Variants in CHST11 observed in about 807,000 individuals in gnomAD.
The protein encoded by CHST11 is C4S-1.
CHST11 carries 9 observed loss-of-function variants against 30.4 expected under a neutral mutation model. The observed-to-expected ratio is 0.30, with a 90% CI of 0.18 to 0.52. The LOEUF (loss-of-function observed/expected upper bound fraction) is 0.52, where lower values mean the gene tolerates loss of function less well. CHST11 is among the 20% of genes least tolerant of loss of function. CHST11 has a pLI of 0.97. For missense variants in CHST11, 348 were observed against 460.6 expected, an observed-to-expected ratio of 0.76 and a Z score of 2.24; for synonymous variants, 152 against 187.8, an observed-to-expected ratio of 0.81 and a Z score of 1.56.
intron 1 of CHST11, chr12:104,553,284 A>G (rs981691626): frequency 1.3e-5 from 2 of 152,226 alleles, no homozygotes; most frequent in Admixed American, 6.5e-5. Flanking sequence ...GGGAGAGCCT[A>G]ACTTTTCAGG....
intron 1 of CHST11, among the ~76,000 whole-genome samples, chr12:104,487,881 C>T (rs2037698708): frequency 6.6e-6 from 1 of 151,176 alleles, no homozygotes; most frequent in African/African-American, 2.4e-5. Context: ...CAAGGAGATA[C>T]CACTTCGTAC....
At chr12:104,624,252 G>A (rs930733030) in intron 2 of CHST11, among the ~76,000 whole-genome samples, 1 of 152,174 alleles carries the variant, frequency 6.6e-6, no homozygotes, top group Non-Finnish European at 1.5e-5. Context: ...TAATCGGCAG[G>A]AGAAGAAAAA....
chr12:104,578,283 C>T (rs2038704410), intron 1 of CHST11, among the ~76,000 whole-genome samples: 1 of 152,292 alleles, frequency 6.6e-6, no homozygotes, highest in East Asian at 1.9e-4. Flanking sequence ...TCTTCCCAGT[C>T]GTTGAACCCC....
chr12:104,715,673 T>C (rs1284082132), intron 2 of CHST11, among the ~76,000 whole-genome samples: 1 of 152,188 alleles, frequency 6.6e-6, no homozygotes, highest in African/African-American at 2.4e-5. Flanking sequence ...CAAAGGATGC[T>C]GCTGCCCTAA....
chr12:104,526,037 C>A (rs1001924841), intron 1 of CHST11, among the ~76,000 whole-genome samples: 3 of 152,012 alleles, frequency 2.0e-5, no homozygotes, highest in Admixed American at 6.6e-5. Flanking sequence ...CATGTCTTTT[C>A]GGCAGACGAC....
chr12:104,695,780 T>C (rs750510758), intron 2 of CHST11, among the ~76,000 whole-genome samples: 12 of 152,176 alleles, frequency 7.9e-5, no homozygotes, highest in Non-Finnish European at 1.5e-4. Flanking sequence ...TTCACAGCCC[T>C]CCTTTCTTGT....
At chr12:104,643,586 TA>T (rs2039398283) in intron 2 of CHST11, among the ~76,000 whole-genome samples, 1 of 152,106 alleles carries the variant, frequency 6.6e-6, no homozygotes, top group Non-Finnish European at 1.5e-5. Context: ...CCAGCACATT[TA>T]GGGGATTTCC....
chr12:104,756,125 A>G (rs2040472515), intron 2 of CHST11, among the ~76,000 whole-genome samples: 2 of 152,220 alleles, frequency 1.3e-5, no homozygotes, highest in South Asian at 4.1e-4. Flanking sequence ...AATCACAATT[A>G]ATATTATTCC....
chr12:104,528,200 A>G (rs1253992955), intron 1 of CHST11, among the ~76,000 whole-genome samples: 3 of 152,352 alleles, frequency 2.0e-5, no homozygotes, highest in South Asian at 2.1e-4. Context: ...AGCACGTTCT[A>G]TACACCAAAC....
chr12:104,569,825 T>C (rs968568200), intron 1 of CHST11, among the ~76,000 whole-genome samples: 1 of 152,200 alleles, frequency 6.6e-6, no homozygotes, highest in African/African-American at 2.4e-5. Flanking sequence ...TCCCCAACCC[T>C]GGGCTTTCCC....
intron 1 of CHST11, among the ~76,000 whole-genome samples, chr12:104,485,500 G>A (rs1162866340): frequency 2.0e-5 from 3 of 152,190 alleles, no homozygotes; most frequent in Admixed American, 6.5e-5. Flanking sequence ...TGGGAACCTC[G>A]CTGTTTCTGG....
At chr12:104,480,392 A>G (rs2037608642) in intron 1 of CHST11, among the ~76,000 whole-genome samples, 1 of 152,114 alleles carries the variant, frequency 6.6e-6, no homozygotes, top group Non-Finnish European at 1.5e-5. Flanking sequence ...CCTGGCCAAG[A>G]TGGTGAAACC....
chr12:104,717,719 C>T lies in CHST11; in HGVS notation c.205-39230C>T, dbSNP rs144889589. On this transcript the variant is annotated intron_variant, in intron 2 of 2. Coordinates refer to ENST00000303694, the MANE Select transcript of CHST11 (RefSeq NM_018413.6). ...TTGGGAGGCGGAGGTTGCAGTGAGC[C>T]GATATCACGCCACTGCACTCCAGCC... Among the ~76,000 whole-genome samples the T allele has an allele frequency of 7.8e-3, 1,194 of 152,160 alleles. 18 individuals are homozygous for T. Among genetic ancestry groups the T allele is most frequent in the African/African-American group, 0.028 (1,143 of 41,500 alleles).
chr12:104,720,067 T>A (rs2040161648), intron 2 of CHST11, among the ~76,000 whole-genome samples: 1 of 152,234 alleles, frequency 6.6e-6, no homozygotes, highest in Admixed American at 6.5e-5. Context: ...GTAAACATGT[T>A]GCTTTTTGTA....
At chr12:104,632,437 G>A (rs1201323771) in intron 2 of CHST11, among the ~76,000 whole-genome samples, 3 of 152,180 alleles carry the variant, frequency 2.0e-5, no homozygotes, top group Admixed American at 2.0e-4. Context: ...CCGAGCTAAC[G>A]GGGATGAGGC....
chr12:104,502,535 T>C (rs535069630), intron 1 of CHST11, among the ~76,000 whole-genome samples: 8 of 152,302 alleles, frequency 5.3e-5, no homozygotes, highest in African/African-American at 1.9e-4. Context: ...TGAGTGATGA[T>C]TTATCTCCAC....
At chr12:104,587,042 C>T (rs2038812558) in intron 1 of CHST11, among the ~76,000 whole-genome samples, 2 of 152,178 alleles carry the variant, frequency 1.3e-5, no homozygotes, top group African/African-American at 2.4e-5. Flanking sequence ...TTCTCCTTTA[C>T]CCCAGACACT....
At chr12:104,719,805 C>T (rs2136125636) in intron 2 of CHST11, among the ~76,000 whole-genome samples, 1 of 152,290 alleles carries the variant, frequency 6.6e-6, no homozygotes, top group African/African-American at 2.4e-5. Flanking sequence ...GGGGGCTGCA[C>T]CCCATGGCCA....
At chr12:104,636,853 T>G (rs1239654254) in intron 2 of CHST11, among the ~76,000 whole-genome samples, 2 of 138,770 alleles carry the variant, frequency 1.4e-5, no homozygotes, top group Non-Finnish European at 3.2e-5. Flanking sequence ...ACTACTCCTA[T>G]TTTTTTTTTT....
Sources: gnomAD v4.1 joint callset for allele counts (sites outside exome capture counted in the v4.1 genomes callset) on GRCh38, gnomAD v4.1.1 for gene constraint, MANE v1.5 for transcripts, NCBI Gene and HGNC (gene_info 2026-07-23, HGNC 2026-07-21) for gene names.